The following ZNF85 variants were observed in gnomAD, a reference collection of about 807,000 sequenced individuals.
The protein encoded by ZNF85 is zinc finger protein 85.
A neutral mutation model predicts 53.9 loss-of-function variants in ZNF85; 50 were observed. The observed-to-expected ratio is 0.93, with a 90% CI of 0.74 to 1.17. ZNF85 has a LOEUF of 1.17. ZNF85 is among the 50% of genes most tolerant of loss of function. ZNF85 has a pLI of 0.00. For synonymous variants in ZNF85, 225 were observed against 226.1 expected (o/e 1.00, Z 0.04); for missense variants, 747 against 688.5 (o/e 1.08, Z -0.95).
chr19:20,943,773 A>C (rs934526033), intron 3 of ZNF85: 1 of 152,200 alleles, frequency 6.6e-6, no homozygotes, highest in Admixed American at 6.5e-5. Flanking sequence ...TGGAGCCCTA[A>C]TGTTGTATAT....
intron 3 of ZNF85, among the ~76,000 whole-genome samples, chr19:20,938,080 T>A (rs948198347): frequency 6.6e-6 from 1 of 152,184 alleles, no homozygotes. Flanking sequence ...TAGTCTTGTT[T>A]TTTTGTTTTT....
intron 3 of ZNF85, chr19:20,942,717 C>G (rs868806733): frequency 2.3e-5 from 14 of 608,974 alleles, no homozygotes; most frequent in Admixed American, 1.1e-4. Flanking sequence ...TAGTTGCATT[C>G]AGTTTTGGTC....
intron 3 of ZNF85, among the ~76,000 whole-genome samples, chr19:20,947,344 A>G (rs1204888558): frequency 6.6e-6 from 1 of 151,762 alleles, no homozygotes; most frequent in Non-Finnish European, 1.5e-5. Flanking sequence ...CTGCACCATT[A>G]TGATAATGCT....
rs1972798089 is a variant in ZNF85, at chr19:20,923,293, C to T, written c.-108C>T. 2 of 1,565,922 alleles carry T rather than the reference C, an allele frequency of 1.3e-6. No individual in the cohort carries two copies. Among genetic ancestry groups the T allele is most frequent in the Non-Finnish European group, 1.8e-6 (2 of 1,140,102 alleles). ...CAGCCTGAGCTCTAGGTCTTGTTTTCCCTGCTTTGTGTTTTCTGCTCGTGG... is the reference window on the plus strand; with the variant it reads ...CAGCCTGAGCTCTAGGTCTTGTTTTTCCTGCTTTGTGTTTTCTGCTCGTGG... On this transcript the variant is annotated 5_prime_UTR_variant, in exon 1 of 4. Coordinates refer to ENST00000328178, the MANE Select transcript of ZNF85 (RefSeq NM_003429.5).
chr19:20,923,550 C>G (rs1972808312), intron 1 of ZNF85, 147 bp downstream of exon 1: 2 of 1,371,418 alleles, frequency 1.5e-6, no homozygotes, highest in African/African-American at 1.4e-5. Context: ...CCAGTTCCTC[C>G]AGCCATAAGA....
At position 20,949,651 on chromosome 19, in the gene ZNF85, T is replaced by C; in HGVS notation, c.1137T>C (p.Phe379=). Reference sequence around the variant, plus strand: ...AATGTGAAAAATGTGGAAAAGCCTTTAATCATTTCTCACACCTTACTACAC... The same window carrying C: ...AATGTGAAAAATGTGGAAAAGCCTTCAATCATTTCTCACACCTTACTACAC... ...PYKCEKCGKA[F]NHFSHLTTHK... The change falls in exon 4 of 4, where the codon TTT becomes TTC. Residue 379 remains phenylalanine, a synonymous_variant. Coordinates refer to ENST00000328178, the MANE Select transcript of ZNF85 (RefSeq NM_003429.5). The C allele has an allele frequency of 6.2e-7, 1 of 1,613,422 alleles. No individual in the cohort carries two copies. Among genetic ancestry groups the C allele is most frequent in the Non-Finnish European group, 8.5e-7 (1 of 1,179,682 alleles).
intron 1 of ZNF85, among the ~76,000 whole-genome samples, chr19:20,931,690 C>A (rs999651833): frequency 6.7e-6 from 1 of 148,452 alleles, no homozygotes. Context: ...TTACTGCAAC[C>A]TCTGCCTGCT....
chr19:20,926,732 G>C (rs547259077), intron 1 of ZNF85: 6 of 152,284 alleles, frequency 3.9e-5, no homozygotes, highest in African/African-American at 1.4e-4. Flanking sequence ...CCCACAGGCA[G>C]ATGCAGTTAA....
At position 20,949,022 on chromosome 19, in the gene ZNF85, AAAAAG is replaced by A; in HGVS notation, c.512_516del (p.Lys171ThrfsTer19). 2 of 1,613,768 alleles carry A rather than the reference AAAAAG, an allele frequency of 1.2e-6. No homozygotes were observed. Among genetic ancestry groups the A allele is most frequent in the Non-Finnish European group, 8.5e-7 (1 of 1,179,780 alleles). On this transcript the variant is annotated frameshift_variant, in exon 4 of 4. Transcript: ENST00000328178. LOFTEE classifies it high-confidence loss of function. Reference sequence around the variant, plus strand: ...AAACAGACATGAGATAAGACATACTAAAAAGAAACCTTTCAAATGTACAAAATGTG... The same window carrying A: ...AAACAGACATGAGATAAGACATACTAAAACCTTTCAAATGTACAAAATGTG...
chr19:20,934,186 C>T (rs1456329789), intron 2 of ZNF85, 36 bp downstream of exon 2: 2 of 1,584,098 alleles, frequency 1.3e-6, no homozygotes. Context: ...TCTAATATGC[C>T]CTAAAGGTTT....
At position 20,939,001 on chromosome 19, in the gene ZNF85, G is replaced by A. The variant is rs148295305; in HGVS notation, c.229+3954G>A. On this transcript the variant is annotated intron_variant, in intron 3 of 3. Coordinates refer to ENST00000328178, the MANE Select transcript of ZNF85 (RefSeq NM_003429.5). ...ATATATTTAAAACAAAATTTATCTCGTTTCTTTTAAATGATTATAAAAAGT... is the reference window on the plus strand; with the variant it reads ...ATATATTTAAAACAAAATTTATCTCATTTCTTTTAAATGATTATAAAAAGT... Among the ~76,000 whole-genome samples the A allele has an allele frequency of 4.0e-3, 600 of 151,676 alleles. 4 individuals carry two copies. Among genetic ancestry groups the A allele is most frequent in the African/African-American group, 0.014 (570 of 41,358 alleles).
chr19:20,931,832 C>T (rs929620220), intron 1 of ZNF85, among the ~76,000 whole-genome samples: 4 of 152,176 alleles, frequency 2.6e-5, no homozygotes, highest in African/African-American at 9.6e-5. Flanking sequence ...TGGTCTCAAT[C>T]TTCTGACCTC....
chr19:20,942,877 G>A lies in ZNF85; in HGVS notation c.230-5867G>A, dbSNP rs1051734507. ...TGCAGCCTCAACCTTCTGGGGTCAAGTGATTGTTCCACCTCAGCCTCCCGA... is the reference window on the plus strand; with the variant it reads ...TGCAGCCTCAACCTTCTGGGGTCAAATGATTGTTCCACCTCAGCCTCCCGA... On this transcript the variant is annotated intron_variant, in intron 3 of 3. Transcript: ENST00000328178. 7.2e-6 allele frequency: 5 copies of A among 693,884 alleles called. No individual in the cohort carries two copies. In the African/African-American group the frequency reaches 8.8e-5, roughly 12 times the overall value. The allele number at this position is 693,884 out of a possible 1,614,324, so 43.0% of individuals were successfully genotyped here.
chr19:20,943,497 C>T (rs551016011), intron 3 of ZNF85: 41 of 152,288 alleles, frequency 2.7e-4, no homozygotes, highest in African/African-American at 9.9e-4. Flanking sequence ...AACCTTCCAC[C>T]AGAGGCAGAT....
At position 20,950,241 on chromosome 19, in the gene ZNF85, A is replaced by G. The variant is rs764603897; in HGVS notation, c.1727A>G (p.Lys576Arg). Residue 576 changes from lysine (K) to arginine (R), a missense_variant, in exon 4 of 4, where the codon AAA becomes AGA. Transcript: ENST00000328178. The stretch of plus-strand genomic sequence containing the variant: ...TGTGAAGAATGTGACAAAGCTTTTA[A>G]ATGGTCCTCAGTCCTTACTAAACAT... ...YKCEECDKAF[K>R]WSSVLTKHKI... The G allele has an allele frequency of 1.7e-5, 27 of 1,604,266 alleles. No homozygotes were observed. In the South Asian group the frequency reaches 2.1e-4, roughly 13 times the overall value.
chr19:20,940,916 T>G (rs1007832077), intron 3 of ZNF85, among the ~76,000 whole-genome samples: 2 of 152,216 alleles, frequency 1.3e-5, no homozygotes, highest in Non-Finnish European at 2.9e-5. Context: ...ACATCTGGGT[T>G]GCTTCAGTTT....
chr19:20,924,765 C>T (rs1259266431), intron 1 of ZNF85, among the ~76,000 whole-genome samples: 2 of 152,070 alleles, frequency 1.3e-5, no homozygotes, highest in Non-Finnish European at 2.9e-5. Context: ...AAATATTTCC[C>T]ATGAGAAGAA....
At chr19:20,923,536 G>A (rs1972807741) in intron 1 of ZNF85, 133 bp downstream of exon 1, 2 of 1,462,716 alleles carry the variant, frequency 1.4e-6, no homozygotes, top group African/African-American at 1.4e-5. Flanking sequence ...TGCCCAGCTC[G>A]GCCCCAGTTC....
intron 3 of ZNF85, among the ~76,000 whole-genome samples, chr19:20,940,855 A>G (rs929060543): frequency 6.6e-6 from 1 of 152,206 alleles, no homozygotes; most frequent in African/African-American, 2.4e-5. Flanking sequence ...CTGAAAAAAT[A>G]TTTCATTATA....
Sources: allele counts gnomAD v4.1 joint callset (sites outside exome capture counted in the v4.1 genomes callset), GRCh38; gene constraint gnomAD v4.1.1; transcripts MANE v1.5; gene names NCBI Gene and HGNC (gene_info 2026-07-23, HGNC 2026-07-21).